Variants in TENM2 observed in about 807,000 individuals in gnomAD.
TENM2 encodes teneurin transmembrane protein 2.
Under a neutral mutation model 245.2 loss-of-function variants are expected in TENM2, and 52 were observed. The ratio of observed to expected loss-of-function variants is 0.21; its 90% confidence interval spans 0.17 to 0.27. TENM2 has a LOEUF of 0.27. Among genes scored for constraint, TENM2 ranks in the 10% least tolerant of loss-of-function variants. TENM2 has a pLI of 1.00. For synonymous variants in TENM2, 1,363 were observed against 1,438.9 expected, an observed-to-expected ratio of 0.95 and a Z score of 1.19; for missense variants, 3,046 against 3,666.8, an observed-to-expected ratio of 0.83 and a Z score of 4.37.
chr5:168,121,175 A>G (rs1795443850), intron 10 of TENM2, among the ~76,000 whole-genome samples: 1 of 152,142 alleles, frequency 6.6e-6, no homozygotes. Flanking sequence ...TTTTTTGTCA[A>G]ACCTACAGAG....
chr5:167,983,781 A>G lies in TENM2; in HGVS notation c.948-9163A>G, dbSNP rs527722319. On this transcript the variant is annotated intron_variant, in intron 4 of 28. Coordinates refer to ENST00000518659, the Ensembl canonical transcript of TENM2. The stretch of plus-strand genomic sequence containing the variant: ...TCAACTGGAAGAAGAGAAGAAGCAC[A>G]TTAGTAACATCCCTAGTCCCTTCTC... Among the ~76,000 whole-genome samples, 30 of 152,352 alleles carry G rather than the reference A, an allele frequency of 2.0e-4. No individual in the cohort carries two copies. In the South Asian group the frequency reaches 5.6e-3, roughly 28 times the overall value.
chr5:167,445,369 A>AGAGAGAGAGAGTGAGAGAGT lies in TENM2; in HGVS notation c.502+69897_502+69898insAGAGAGAGAGTGAGAGAGTG, dbSNP rs35699708. Among the ~76,000 whole-genome samples, 9 of 98,602 alleles carry AGAGAGAGAGAGTGAGAGAGT rather than the reference A, an allele frequency of 9.1e-5. No individual in the cohort carries two copies. In the East Asian group the frequency reaches 3.3e-3, roughly 36 times the overall value. 64.7% of individuals were successfully genotyped at this position (98,602 alleles called of 152,430 possible). A position where few individuals can be genotyped will look rare whatever the true frequency, so the allele number is the denominator to read the frequency against. On this transcript the variant is annotated intron_variant, in intron 2 of 28. Coordinates refer to ENST00000518659, the Ensembl canonical transcript of TENM2. Reference sequence around the variant, plus strand: ...GAGAGAGAGAGAGAGAGAGAGAGAGAGTGTCAGGTGTTGTCTTGTTGTTGG... The same window carrying AGAGAGAGAGAGTGAGAGAGT: ...GAGAGAGAGAGAGAGAGAGAGAGAGAGAGAGAGAGAGTGAGAGAGTGTGTCAGGTGTTGTCTTGTTGTTGG...
chr5:167,859,121 C>T (rs1222514491), intron 2 of TENM2, among the ~76,000 whole-genome samples: 50 of 128,722 alleles, frequency 3.9e-4, no homozygotes, highest in Non-Finnish European at 6.4e-4. Context: ...TCTGCCCCGC[C>T]GCCCCATCTG....
At chr5:167,951,616 T>C (rs1780108741) in intron 3 of TENM2, among the ~76,000 whole-genome samples, 1 of 152,164 alleles carries the variant, frequency 6.6e-6, no homozygotes, top group African/African-American at 2.4e-5. Context: ...GATTTTGTTA[T>C]TTAAAAAAAC....
At chr5:167,061,281 G>T in the TENM2 span, among the ~76,000 whole-genome samples, 1 of 152,122 alleles carries the variant, frequency 6.6e-6, no homozygotes, top group Non-Finnish European at 1.5e-5. Flanking sequence ...TTGGTGGAAA[G>T]AATTCAGCTA....
chr5:167,567,698 A>G (rs920540605), intron 2 of TENM2, among the ~76,000 whole-genome samples: 1 of 152,212 alleles, frequency 6.6e-6, no homozygotes. Flanking sequence ...GTGCACACAC[A>G]CACAAATACA....
the TENM2 span, among the ~76,000 whole-genome samples, chr5:167,273,810 G>T: frequency 6.6e-6 from 1 of 152,106 alleles, no homozygotes; most frequent in Non-Finnish European, 1.5e-5. Flanking sequence ...AGGGGTGTTT[G>T]TGTACCTAGT....
the TENM2 span, among the ~76,000 whole-genome samples, chr5:167,153,576 C>A: frequency 6.6e-6 from 1 of 151,776 alleles, no homozygotes; most frequent in Non-Finnish European, 1.5e-5. Context: ...AAAAATAATT[C>A]CCCGTATAAG....
chr5:167,896,637 A>C (rs900719834), intron 3 of TENM2, among the ~76,000 whole-genome samples: 2 of 152,242 alleles, frequency 1.3e-5, no homozygotes, highest in Non-Finnish European at 2.9e-5. Flanking sequence ...ATGTGCCCTT[A>C]TTAAAAAGCA....
At chr5:168,248,516 G>A (rs1009250103) in intron 27 of TENM2, 145 bp downstream of exon 29, 5 of 815,486 alleles carry the variant, frequency 6.1e-6, no homozygotes, top group African/African-American at 3.5e-5. Context: ...CAGCACTACA[G>A]AGTCTAGAAA....
At chr5:167,892,120 G>A (rs1484077682) in intron 3 of TENM2, among the ~76,000 whole-genome samples, 1 of 152,124 alleles carries the variant, frequency 6.6e-6, no homozygotes, top group Non-Finnish European at 1.5e-5. Context: ...AGCACATTAT[G>A]GACTGAATTA....
the TENM2 span, among the ~76,000 whole-genome samples, chr5:167,177,899 T>C: frequency 2.0e-5 from 3 of 152,220 alleles, no homozygotes; most frequent in African/African-American, 2.4e-5. Context: ...CAGGTCCATA[T>C]GGTCCCTACT....
At chr5:167,646,729 T>C (rs1007618193) in intron 2 of TENM2, among the ~76,000 whole-genome samples, 2 of 151,812 alleles carry the variant, frequency 1.3e-5, no homozygotes, top group Non-Finnish European at 2.9e-5. Flanking sequence ...AAATGAAAAA[T>C]AATAGCACAA....
intron 1 of TENM2, among the ~76,000 whole-genome samples, chr5:167,298,007 G>A (rs1755057883): frequency 6.6e-6 from 1 of 152,260 alleles, no homozygotes; most frequent in South Asian, 2.1e-4. Context: ...GGTCACAGGG[G>A]ATATGATGGC....
Position 167,468,920 on chromosome 5 carries a change from A to G in TENM2, c.502+93447A>G, listed in dbSNP as rs897471703. ...ATAGAAGACATTTCTATTGTACTCA[A>G]TTGAAGGTCTACCTTTCCCATGTTC... On this transcript the variant is annotated intron_variant, in intron 2 of 28. Transcript: ENST00000518659. Among the ~76,000 whole-genome samples the G allele has an allele frequency of 3.3e-5, 5 of 152,192 alleles. No individual in the cohort carries two copies. The South Asian group carries it at 6.2e-4, about 19-fold the overall frequency.
chr5:167,977,544 C>A (rs1782533882), intron 4 of TENM2, among the ~76,000 whole-genome samples: 1 of 152,116 alleles, frequency 6.6e-6, no homozygotes, highest in South Asian at 2.1e-4. Context: ...GAAATGAGAG[C>A]CTGCTGACTT....
At chr5:167,885,683 G>C (rs1440433809) in intron 3 of TENM2, among the ~76,000 whole-genome samples, 2 of 152,072 alleles carry the variant, frequency 1.3e-5, no homozygotes. Context: ...GGTGATTACT[G>C]GTTTTTTGTT....
chr5:168,174,440 A>G (rs1174373352), intron 13 of TENM2, among the ~76,000 whole-genome samples: 1 of 152,232 alleles, frequency 6.6e-6, no homozygotes, highest in Admixed American at 6.5e-5. Context: ...GATGCAAAAC[A>G]GTCAGCACAA....
At chr5:167,124,168 A>G in the TENM2 span, among the ~76,000 whole-genome samples, 46 of 152,344 alleles carry the variant, frequency 3.0e-4, no homozygotes, top group Non-Finnish European at 6.0e-4. Flanking sequence ...TCATCCATAA[A>G]TCAATGGGTT....
Sources: gnomAD v4.1 joint callset for allele counts (sites outside exome capture counted in the v4.1 genomes callset) on GRCh38, gnomAD v4.1.1 for gene constraint, MANE v1.5 for transcripts, NCBI Gene and HGNC (gene_info 2026-07-23, HGNC 2026-07-21) for gene names.